The following SORCS2 variants were observed in gnomAD, a reference collection of about 807,000 sequenced individuals.
SORCS2 encodes the protein sortilin related VPS10 domain containing receptor 2, also known as VPS10 domain-containing receptor SorCS2.
A neutral mutation model predicts 141.6 loss-of-function variants in SORCS2; 100 were observed. That is an observed-to-expected ratio of 0.71 (90% CI 0.60 to 0.83). The LOEUF is 0.83. Ranked by LOEUF, SORCS2 falls within the 40% of genes least tolerant of loss-of-function variation. The pLI is 0.00. For missense variants in SORCS2, 1,646 were observed against 1,560.2 expected (o/e 1.05, Z -0.93); for synonymous variants, 789 against 676.9 (o/e 1.17, Z -2.57).
In SORCS2 at chr4:7,410,948, C is replaced by CT. The variant is rs1560262247; in HGVS notation, c.548+14593_548+14594insT. 4.2e-3 allele frequency among the ~76,000 whole-genome samples: 396 copies of CT among 94,540 alleles called. 3 individuals are homozygous for CT. Among genetic ancestry groups the CT allele is most frequent in the African/African-American group, 0.013 (358 of 26,700 alleles). The allele number at this position is 94,540 out of a possible 152,430, so 62.0% of individuals were successfully genotyped here. On this transcript the variant is annotated intron_variant, in intron 2 of 26. Transcript: ENST00000507866. ...GGGCCCAGCAGCCTCTTCTCTCCAT[C>CT]CTTTTTTTTTTTTTTTTTTTTTTTT...
intron 3 of SORCS2, among the ~76,000 whole-genome samples, chr4:7,609,360 G>A (rs570579719): frequency 2.0e-5 from 3 of 152,154 alleles, no homozygotes; most frequent in East Asian, 1.9e-4. Flanking sequence ...TCATAGCTCC[G>A]TGCTTACCTG....
chr4:7,256,210 G>A (rs968662066), intron 1 of SORCS2, among the ~76,000 whole-genome samples: 5 of 152,284 alleles, frequency 3.3e-5, no homozygotes, highest in Admixed American at 6.5e-5. Flanking sequence ...TGGGGAGAGC[G>A]TGCCTGGTGA....
chr4:7,715,202 T>A lies in SORCS2; in HGVS notation c.2143T>A (p.Ser715Thr). 6.2e-7 allele frequency: 1 copy of A among 1,613,726 alleles called. No homozygotes were observed. The change falls in exon 17 of 27, where the codon TCC becomes ACC. Residue 715 changes from serine to threonine, a missense_variant. Coordinates refer to ENST00000507866, the MANE Select transcript of SORCS2 (RefSeq NM_020777.3). ...TCCCAGCGACTACGGATTTGAGCGC[T>A]CCTCCTCCTCAGAGTCCAGCACCAA... Reference protein sequence around the residue: ...DFLCDYGFERSSSSESSTNKC... With the variant: ...DFLCDYGFERTSSSESSTNKC...
At chr4:7,691,435 C>T (rs890683037) in intron 11 of SORCS2, among the ~76,000 whole-genome samples, 2 of 152,136 alleles carry the variant, frequency 1.3e-5, no homozygotes, top group African/African-American at 4.8e-5. Context: ...GTGAAGCCTA[C>T]GTGCAGGGCT....
intron 1 of SORCS2, among the ~76,000 whole-genome samples, chr4:7,305,272 CTG>C (rs1717727842): frequency 6.6e-6 from 1 of 152,158 alleles, no homozygotes; most frequent in East Asian, 1.9e-4. Context: ...ACCTCGTGAT[CTG>C]CCCGCCTCGG....
intron 8 of SORCS2, among the ~76,000 whole-genome samples, chr4:7,667,794 G>C (rs1385003247): frequency 6.6e-6 from 1 of 152,196 alleles, no homozygotes; most frequent in Non-Finnish European, 1.5e-5. Context: ...GCCCAACTCT[G>C]CCCCTGCCCC....
chr4:7,249,051 G>T (rs1389243399), intron 1 of SORCS2, among the ~76,000 whole-genome samples: 1 of 152,224 alleles, frequency 6.6e-6, no homozygotes, highest in Non-Finnish European at 1.5e-5. Context: ...AGATAGTGCT[G>T]CAGTAACAAA....
chr4:7,484,805 CACCCAGCCCCGCTCCTGT>C (rs1335746543), intron 2 of SORCS2, among the ~76,000 whole-genome samples: 12 of 152,074 alleles, frequency 7.9e-5, no homozygotes, highest in Non-Finnish European at 1.6e-4. Context: ...CTCCCTCCTG[CACCCAGCCCCGCTCCTGT>C]ACCCAGCCTG....
chr4:7,510,545 T>G (rs113240496), intron 2 of SORCS2, among the ~76,000 whole-genome samples: 130 of 152,060 alleles, frequency 8.5e-4, no homozygotes, highest in Middle Eastern at 6.8e-3. Flanking sequence ...AGTGCCCTGT[T>G]CTGTGCGCGG....
chr4:7,740,650 A>G lies in SORCS2; in HGVS notation c.*386A>G, dbSNP rs1712597674. On this transcript the variant is annotated 3_prime_UTR_variant, in exon 27 of 27. Coordinates refer to ENST00000507866, the MANE Select transcript of SORCS2 (RefSeq NM_020777.3). ...GCAAGAGCTGCAGACCCGTTCAGAC[A>G]CTGCGTTGCGGGCTCCTTCCCCGCA... The G allele has an allele frequency of 6.9e-6, 2 of 291,568 alleles. No individual in the cohort carries two copies. Among genetic ancestry groups the G allele is most frequent in the Admixed American group, 4.5e-5 (1 of 22,396 alleles). The allele number at this position is 291,568 out of a possible 1,614,324, so 18.1% of individuals were successfully genotyped here. A position where few individuals can be genotyped will look rare whatever the true frequency, so the allele number is the denominator to read the frequency against.
At chr4:7,631,751 AG>A (rs1028469194) in intron 3 of SORCS2, among the ~76,000 whole-genome samples, 1 of 152,166 alleles carries the variant, frequency 6.6e-6, no homozygotes, top group African/African-American at 2.4e-5. Flanking sequence ...AGGGGCCAAG[AG>A]GGAAGAATGA....
intron 1 of SORCS2, among the ~76,000 whole-genome samples, chr4:7,395,342 AG>A (rs946248965): frequency 6.6e-6 from 1 of 152,210 alleles, no homozygotes; most frequent in Admixed American, 6.5e-5. Context: ...CGAGGCTAAC[AG>A]CTGCTCCAAA....
chr4:7,677,322 G>T (rs545895152), intron 9 of SORCS2, among the ~76,000 whole-genome samples: 1 of 152,208 alleles, frequency 6.6e-6, no homozygotes, highest in Non-Finnish European at 1.5e-5. Context: ...CGGCCAGGCC[G>T]CTCACAGGCC....
chr4:7,734,759 A>T (rs894945605), intron 25 of SORCS2, among the ~76,000 whole-genome samples: 1 of 152,158 alleles, frequency 6.6e-6, no homozygotes, highest in Non-Finnish European at 1.5e-5. Context: ...CAGCCTCAGA[A>T]CTGGGACCTG....
chr4:7,424,993 T>C (rs1726328470), intron 2 of SORCS2, among the ~76,000 whole-genome samples: 1 of 152,236 alleles, frequency 6.6e-6, no homozygotes, highest in Non-Finnish European at 1.5e-5. Flanking sequence ...AATGGATCCC[T>C]GGCCTTCTGT....
At chr4:7,245,998 A>C (rs1338489770) in intron 1 of SORCS2, among the ~76,000 whole-genome samples, 1 of 152,108 alleles carries the variant, frequency 6.6e-6, no homozygotes, top group African/African-American at 2.4e-5. Flanking sequence ...CCCGGGGTGC[A>C]TTTTGCCTTG....
intron 21 of SORCS2, among the ~76,000 whole-genome samples, chr4:7,727,432 C>G (rs1328718322): frequency 1.3e-5 from 2 of 151,992 alleles, no homozygotes; most frequent in Admixed American, 1.3e-4. Flanking sequence ...AGGAGACCCC[C>G]CCCCCCCTTG....
chr4:7,451,092 CTGAG>C (rs1330426890), intron 2 of SORCS2, among the ~76,000 whole-genome samples: 21 of 151,358 alleles, frequency 1.4e-4, no homozygotes, highest in Admixed American at 3.3e-4. Flanking sequence ...GCATGAGTGA[CTGAG>C]TGAGTGAATG....
intron 1 of SORCS2, among the ~76,000 whole-genome samples, chr4:7,326,237 T>A (rs2108956301): frequency 6.6e-6 from 1 of 152,206 alleles, no homozygotes; most frequent in East Asian, 1.9e-4. Flanking sequence ...TCTGTCCTGC[T>A]GGCAGGAGGG....
Sources: allele counts gnomAD v4.1 joint callset (sites outside exome capture counted in the v4.1 genomes callset), GRCh38; gene constraint gnomAD v4.1.1; transcripts MANE v1.5; gene names NCBI Gene and HGNC (gene_info 2026-07-23, HGNC 2026-07-21).